RABEP1: variants seen among roughly 807,000 people sequenced by gnomAD.
RABEP1 encodes the protein rab GTPase-binding effector protein 1.
RABEP1 carries 51 observed loss-of-function variants against 123.4 expected under a neutral mutation model. That is an observed-to-expected ratio of 0.41 (90% CI 0.33 to 0.52). The LOEUF is 0.52. RABEP1 is among the 20% of genes least tolerant of loss of function. The pLI is 0.16. For missense variants in RABEP1, 888 were observed against 996.3 expected, an observed-to-expected ratio of 0.89 and a Z score of 1.46; for synonymous variants, 347 against 355.2, an observed-to-expected ratio of 0.98 and a Z score of 0.26.
intron 2 of RABEP1, among the ~76,000 whole-genome samples, chr17:5,329,818 C>CATATAT (rs61446536): frequency 0.01 from 1,488 of 143,038 alleles, 28 homozygotes; most frequent in African/African-American, 0.033. Flanking sequence ...TATATATGTT[C>CATATAT]ATATATATAT....
rs758881159 is a variant in RABEP1, at chr17:5,368,329, C to T, written c.1786-41C>T. ...ATGGAAGAGTTAGTTTCAGAATAAC[C>T]GATTTCCTAACTATGTTTCTATACA... On this transcript the variant is annotated intron_variant, in intron 11 of 17. Coordinates refer to ENST00000537505, the MANE Select transcript of RABEP1 (RefSeq NM_004703.6). 2.9e-5 allele frequency: 39 copies of T among 1,358,372 alleles called. No individual in the cohort carries two copies. In the East Asian group the frequency reaches 5.7e-4, roughly 20 times the overall value. 84.1% of individuals were successfully genotyped at this position (1,358,372 alleles called of 1,614,324 possible).
Position 5,383,169 on chromosome 17 carries a change from G to C in RABEP1, c.2535G>C (p.Arg845=). The C allele has an allele frequency of 6.2e-7, 1 of 1,614,084 alleles. No individual in the cohort carries two copies. Among genetic ancestry groups the C allele is most frequent in the Non-Finnish European group, 8.5e-7 (1 of 1,180,012 alleles). ...IRQADSLERI[R]AILNDTKLTD... The stretch of plus-strand genomic sequence containing the variant: ...AAGCTGACTCCTTGGAGAGAATCCG[G>C]GCAATTCTGAATGATACTAAACTGA... Residue 845 remains arginine (R), a synonymous_variant, in exon 18 of 18, where the codon CGG becomes CGC. Transcript: ENST00000537505.
intron 15 of RABEP1, among the ~76,000 whole-genome samples, chr17:5,379,991 C>T (rs79619177): frequency 0.017 from 2,597 of 152,292 alleles, 64 homozygotes; most frequent in African/African-American, 0.059. Flanking sequence ...ATTGGAGTAT[C>T]TCTCCATCTT....
chr17:5,381,373 A>C lies in RABEP1; in HGVS notation c.2371-16A>C. On this transcript the variant is annotated splice_polypyrimidine_tract_variant and intron_variant, in intron 16 of 17. Transcript: ENST00000537505. Reference sequence around the variant, plus strand: ...CCCTTTGGCATTAATCTTCATTCAAAACTTGTATTTTTTAGGCTACCGTTG... The same window carrying C: ...CCCTTTGGCATTAATCTTCATTCAACACTTGTATTTTTTAGGCTACCGTTG... The C allele has an allele frequency of 6.2e-7, 1 of 1,605,956 alleles. No homozygotes were observed. The highest frequency in any genetic ancestry group is 8.5e-7 in the Non-Finnish European group (1 of 1,177,228).
chr17:5,324,453 TAAATC>T (rs1364762665), intron 2 of RABEP1, among the ~76,000 whole-genome samples: 1 of 152,180 alleles, frequency 6.6e-6, no homozygotes, highest in Non-Finnish European at 1.5e-5. Context: ...ATTAAAGACT[TAAATC>T]TAAGACCTGA....
chr17:5,383,644 A>G lies in RABEP1; in HGVS notation c.*421A>G, dbSNP rs1411062329. On this transcript the variant is annotated 3_prime_UTR_variant, in exon 18 of 18. Transcript: ENST00000537505. The stretch of plus-strand genomic sequence containing the variant: ...CTGTTGTCTAGAGCTCATCAGTAAC[A>G]GTATTCAGTTAGCAGACAGAAGTGT... 1 of 243,498 alleles carries G rather than the reference A, an allele frequency of 4.1e-6. No homozygotes were observed. The highest frequency in any genetic ancestry group is 2.2e-5 in the African/African-American group (1 of 45,472). 15.1% of individuals were successfully genotyped at this position (243,498 alleles called of 1,614,324 possible).
Position 5,350,649 on chromosome 17 carries a change from A to G in RABEP1, c.963+20A>G. On this transcript the variant is annotated intron_variant, in intron 7 of 17. Coordinates refer to ENST00000537505, the MANE Select transcript of RABEP1 (RefSeq NM_004703.6). ...GATCAGGTGAATAGAAGTTTTTAGG[A>G]CTGATTTGCTTTGTCAGTAATGTCC... is the stretch of plus-strand genomic sequence containing the variant. 1 of 1,612,484 alleles carries G rather than the reference A, an allele frequency of 6.2e-7. No individual in the cohort carries two copies. The highest frequency in any genetic ancestry group is 8.5e-7 in the Non-Finnish European group (1 of 1,179,250).
At chr17:5,329,050 G>T (rs1392215882) in intron 2 of RABEP1, among the ~76,000 whole-genome samples, 1 of 132,160 alleles carries the variant, frequency 7.6e-6, no homozygotes, top group African/African-American at 2.9e-5. Flanking sequence ...GTCAATTGGA[G>T]AAGTTTTACC....
Position 5,361,692 on chromosome 17 carries a change from A to C in RABEP1, c.1563+17A>C. 101 of 1,574,692 alleles carry C rather than the reference A, an allele frequency of 6.4e-5. No homozygotes were observed. The highest frequency in any genetic ancestry group is 8.2e-5 in the Non-Finnish European group (95 of 1,159,068). ...CAGAAAGAGGTGAGTTACCTTTCTC[A>C]CGTTTTTCCTCTTGCTCACGCTGAG... On this transcript the variant is annotated intron_variant, in intron 9 of 17. Coordinates refer to ENST00000537505, the MANE Select transcript of RABEP1 (RefSeq NM_004703.6).
chr17:5,348,281 G>T (rs1210651821), intron 6 of RABEP1, among the ~76,000 whole-genome samples: 2 of 152,110 alleles, frequency 1.3e-5, no homozygotes, highest in Non-Finnish European at 2.9e-5. Flanking sequence ...GCCCAGCCCA[G>T]ATAGGCTTCT....
At chr17:5,337,369 TACTA>T (rs1275640445) in intron 4 of RABEP1, among the ~76,000 whole-genome samples, 8 of 152,278 alleles carry the variant, frequency 5.3e-5, no homozygotes, top group Non-Finnish European at 1.0e-4. Flanking sequence ...CTCATGAACT[TACTA>T]ACCCAGGAAT....
chr17:5,318,330 A>G (rs991193575), intron 2 of RABEP1, among the ~76,000 whole-genome samples: 1 of 152,190 alleles, frequency 6.6e-6, no homozygotes. Context: ...GGAGTATGCT[A>G]TCAAAATTAC....
At chr17:5,310,062 G>C (rs2075221175) in intron 2 of RABEP1, among the ~76,000 whole-genome samples, 1 of 152,168 alleles carries the variant, frequency 6.6e-6, no homozygotes, top group African/African-American at 2.4e-5. Flanking sequence ...CCAGAAATTT[G>C]CATTTCTAAT....
intron 2 of RABEP1, among the ~76,000 whole-genome samples, chr17:5,325,814 T>TTTATGCATGTAC (rs1185851747): frequency 4.6e-5 from 7 of 151,910 alleles, no homozygotes; most frequent in Non-Finnish European, 1.0e-4. Flanking sequence ...TCACATGTAC[T>TTTATGCATGTAC]TTAACTATGT....
intron 2 of RABEP1, among the ~76,000 whole-genome samples, chr17:5,310,912 C>T (rs889170752): frequency 6.6e-6 from 1 of 151,012 alleles, no homozygotes; most frequent in East Asian, 2.0e-4. Flanking sequence ...TGGGTTCAAG[C>T]GACTCTTGTG....
chr17:5,383,702 T>G lies in RABEP1; in HGVS notation c.*479T>G. ...TGTATGAATATTTTATATTAAAATA[T>G]GAAGGTTTGAGAGCAGGCCATTGGC... On this transcript the variant is annotated 3_prime_UTR_variant, in exon 18 of 18. Coordinates refer to ENST00000537505, the MANE Select transcript of RABEP1 (RefSeq NM_004703.6). 4.5e-6 allele frequency: 1 copy of G among 220,054 alleles called. No homozygotes were observed. The highest frequency in any genetic ancestry group is 8.9e-6 in the Non-Finnish European group (1 of 112,140). The allele number at this position is 220,054 out of a possible 1,614,324, so 13.6% of individuals were successfully genotyped here.
At chr17:5,375,178 T>G (rs1413262454) in intron 13 of RABEP1, among the ~76,000 whole-genome samples, 5 of 151,724 alleles carry the variant, frequency 3.3e-5, no homozygotes, top group African/African-American at 9.7e-5. Context: ...AGATTCAATC[T>G]CTATAATTTG....
intron 13 of RABEP1, among the ~76,000 whole-genome samples, chr17:5,376,671 A>G (rs1911018979): frequency 6.6e-6 from 1 of 152,154 alleles, no homozygotes; most frequent in South Asian, 2.1e-4. Flanking sequence ...AAATGTTTGA[A>G]TGAATGAATA....
Position 5,310,301 on chromosome 17 carries a change from C to CTTTTTTTTTTTTTTTTTTTTTTTT in RABEP1, c.163+1497_163+1498insTTTTTTTTTTTTTTTTTTTTTTTT, listed in dbSNP as rs11432831. Among the ~76,000 whole-genome samples, 50 of 126,410 alleles carry CTTTTTTTTTTTTTTTTTTTTTTTT rather than the reference C, an allele frequency of 4.0e-4. 8 individuals are homozygous for CTTTTTTTTTTTTTTTTTTTTTTTT. The highest frequency in any genetic ancestry group is 5.2e-4 in the African/African-American group (17 of 32,808). The allele number at this position is 126,410 out of a possible 152,430, so 82.9% of individuals were successfully genotyped here. A position where few individuals can be genotyped will look rare whatever the true frequency, so the allele number is the denominator to read the frequency against. ...TTACAATTTAAATGAAAGCTTCGTC[C>CTTTTTTTTTTTTTTTTTTTTTTTT]TTTTTTTTTTTTTTTTTTGAGATGG... is the stretch of plus-strand genomic sequence containing the variant. On this transcript the variant is annotated intron_variant, in intron 2 of 17. Transcript: ENST00000537505.
Sources: allele counts gnomAD v4.1 joint callset (sites outside exome capture counted in the v4.1 genomes callset), GRCh38; gene constraint gnomAD v4.1.1; transcripts MANE v1.5; gene names NCBI Gene and HGNC (gene_info 2026-07-23, HGNC 2026-07-21).